The following MAN2B2 variants were observed in gnomAD, a reference collection of about 807,000 sequenced individuals.
MAN2B2 encodes the protein mannosidase alpha class 2B member 2.
In MAN2B2, 106 loss-of-function variants were observed where a neutral mutation model predicts 117.1. The ratio of observed to expected loss-of-function variants is 0.90; its 90% confidence interval spans 0.77 to 1.06. MAN2B2 has a LOEUF of 1.06. Among genes scored for constraint, MAN2B2 ranks in the 50% least tolerant of loss-of-function variants. The pLI, the probability that MAN2B2 is intolerant of heterozygous loss-of-function variation, is 0.00. For missense variants in MAN2B2, 1,326 were observed against 1,381.4 expected (o/e 0.96, Z 0.64); for synonymous variants, 544 against 595.1 (o/e 0.91, Z 1.25).
intron 4 of MAN2B2, among the ~76,000 whole-genome samples, chr4:6,588,735 G>A (rs1726743349): frequency 6.6e-6 from 1 of 152,058 alleles, no homozygotes; most frequent in African/African-American, 2.4e-5. Flanking sequence ...AAAATAAACT[G>A]CACACTTGGT....
chr4:6,593,378 C>G (rs1726935023), intron 6 of MAN2B2, 28 bp downstream of exon 6: 1 of 1,594,888 alleles, frequency 6.3e-7, no homozygotes, highest in Non-Finnish European at 8.5e-7. Context: ...GTGCTGTGCC[C>G]TCAACACAGC....
At chr4:6,603,099 C>T (rs925227588) in intron 10 of MAN2B2, among the ~76,000 whole-genome samples, 5 of 152,154 alleles carry the variant, frequency 3.3e-5, no homozygotes, top group African/African-American at 1.2e-4. Context: ...TGAATTTCCA[C>T]CCTGGCATGT....
chr4:6,583,205 A>G (rs970401499), intron 3 of MAN2B2, among the ~76,000 whole-genome samples: 3 of 152,170 alleles, frequency 2.0e-5, no homozygotes, highest in African/African-American at 7.2e-5. Context: ...GGCGACCTAG[A>G]ACCTGCCCAC....
At chr4:6,577,507 A>C (rs1726112537) in intron 2 of MAN2B2, among the ~76,000 whole-genome samples, 1 of 152,176 alleles carries the variant, frequency 6.6e-6, no homozygotes, top group African/African-American at 2.4e-5. Context: ...CACGGGAAGG[A>C]GCCGGACATC....
At chr4:6,618,138 C>T (rs1023701205) in intron 17 of MAN2B2, 1 of 152,502 alleles carries the variant, frequency 6.6e-6, no homozygotes, top group African/African-American at 2.4e-5. Context: ...GCGTGAGCCA[C>T]CAAGCCTGGC....
rs920875500 is a variant in MAN2B2, at chr4:6,621,497, A to G, written c.*212A>G. On this transcript the variant is annotated 3_prime_UTR_variant, in exon 19 of 19. Coordinates refer to ENST00000285599, the MANE Select transcript of MAN2B2 (RefSeq NM_015274.3). ...CAAGATCCAGGTTCTTCCCCCCCAC[A>G]CTCAATCAAGCCAGCCCTCTCCTCT... 7 of 535,514 alleles carry G rather than the reference A, an allele frequency of 1.3e-5. No homozygotes were observed. Among genetic ancestry groups the G allele is most frequent in the Admixed American group, 3.4e-5 (1 of 29,810 alleles). The allele number at this position is 535,514 out of a possible 1,614,324, so 33.2% of individuals were successfully genotyped here.
intron 3 of MAN2B2, 33 bp downstream of exon 3, chr4:6,578,531 T>C (rs372146082): frequency 1.3e-6 from 2 of 1,558,984 alleles, no homozygotes; most frequent in Non-Finnish European, 1.8e-6. Context: ...CCAGGGTCCC[T>C]CAGGACCTCC....
chr4:6,617,520 A>G (rs1396230177), intron 17 of MAN2B2, 28 bp downstream of exon 17: 3 of 1,613,092 alleles, frequency 1.9e-6, no homozygotes, highest in South Asian at 1.1e-5. Flanking sequence ...CATCCAGACC[A>G]TAAGCCAGGG....
rs369881792 is a variant in MAN2B2 at position 6,610,595 on chromosome 4, C to T, written c.2260-285C>T. Among the ~76,000 whole-genome samples, 20 of 152,376 alleles carry T rather than the reference C, an allele frequency of 1.3e-4. No individual in the cohort carries two copies. In the East Asian group the frequency reaches 1.9e-3, roughly 15 times the overall value. ...GTGCCTTGGCTTGTGCCTCGGTTTC[C>T]TCTCCTGTAAAATGGCTCCTTCATC... On this transcript the variant is annotated intron_variant, in intron 13 of 18. Transcript: ENST00000285599.
chr4:6,589,523 G>C (rs1193561023), intron 5 of MAN2B2, among the ~76,000 whole-genome samples: 1 of 152,140 alleles, frequency 6.6e-6, no homozygotes, highest in Admixed American at 6.5e-5. Context: ...TTATAGGCAT[G>C]AGCCGCCGCG....
chr4:6,578,860 G>C (rs565930736), intron 3 of MAN2B2, among the ~76,000 whole-genome samples: 2 of 151,884 alleles, frequency 1.3e-5, no homozygotes, highest in Non-Finnish European at 1.5e-5. Flanking sequence ...TTCAAATAAA[G>C]CACTTTAGTA....
chr4:6,579,277 CCACCATCACCAT>C (rs1560634902), intron 3 of MAN2B2, among the ~76,000 whole-genome samples: 2 of 107,722 alleles, frequency 1.9e-5, no homozygotes, highest in African/African-American at 3.2e-5. Flanking sequence ...ACCATCACCA[CCACCATCACCAT>C]CACCACCACC....
rs115083161 is a variant in MAN2B2, at chr4:6,600,556, G to T, written c.1406-67G>T. The stretch of plus-strand genomic sequence containing the variant: ...TCAGTTTCCCTCATACTGAGGTGCA[G>T]CCAGTGAGCACCCCATTCCAGAAGG... On this transcript the variant is annotated intron_variant, in intron 9 of 18. Coordinates refer to ENST00000285599, the MANE Select transcript of MAN2B2 (RefSeq NM_015274.3). The T allele has an allele frequency of 7.2e-4, 1,135 of 1,574,118 alleles. 8 individuals are homozygous for T. In the African/African-American group the frequency reaches 0.014, roughly 19 times the overall value.
At chr4:6,601,614 G>C (rs1220868518) in intron 10 of MAN2B2, among the ~76,000 whole-genome samples, 1 of 152,148 alleles carries the variant, frequency 6.6e-6, no homozygotes, top group African/African-American at 2.4e-5. Context: ...TCGCTTCCTT[G>C]GGAGCAGCCC....
intron 10 of MAN2B2, among the ~76,000 whole-genome samples, chr4:6,604,505 G>C (rs949779721): frequency 5.9e-5 from 9 of 151,488 alleles, no homozygotes; most frequent in Admixed American, 2.6e-4. Context: ...GAGTGACTGA[G>C]GGATGGGATG....
At chr4:6,579,283 T>TCACCACCACCATCACCACCACCAC (rs1560634954) in intron 3 of MAN2B2, among the ~76,000 whole-genome samples, 3 of 9,526 alleles carry the variant, frequency 3.1e-4, no homozygotes, top group Non-Finnish European at 4.2e-4. Flanking sequence ...ACCACCACCA[T>TCACCACCACCATCACCACCACCAC]CACCATCACC....
chr4:6,606,248 C>T (rs1451650555), intron 11 of MAN2B2, among the ~76,000 whole-genome samples: 6 of 152,232 alleles, frequency 3.9e-5, no homozygotes, highest in Admixed American at 2.0e-4. Context: ...TCAGCAGCTC[C>T]CTGCCCACAG....
chr4:6,588,706 GTAAAAAA>G (rs1348770445), intron 4 of MAN2B2, among the ~76,000 whole-genome samples: 5 of 152,054 alleles, frequency 3.3e-5, no homozygotes, highest in Non-Finnish European at 5.9e-5. Context: ...GTGAGACTCT[GTAAAAAA>G]TAAAAAATAA....
At chr4:6,601,497 T>A (rs1727328741) in intron 10 of MAN2B2, among the ~76,000 whole-genome samples, 1 of 139,440 alleles carries the variant, frequency 7.2e-6, no homozygotes, top group Non-Finnish European at 1.5e-5. Context: ...TGAGACTCCA[T>A]CTCAAAAAAA....
Sources: gnomAD v4.1 joint callset for allele counts (sites outside exome capture counted in the v4.1 genomes callset) on GRCh38, gnomAD v4.1.1 for gene constraint, MANE v1.5 for transcripts, NCBI Gene and HGNC (gene_info 2026-07-23, HGNC 2026-07-21) for gene names.